GRIA4: variants seen among roughly 807,000 people sequenced by gnomAD.
GRIA4 encodes glutamate receptor 4.
Under a neutral mutation model 104.0 loss-of-function variants are expected in GRIA4, and 34 were observed. The observed-to-expected ratio is 0.33, with a 90% CI of 0.25 to 0.44. The LOEUF (loss-of-function observed/expected upper bound fraction) is 0.44, where lower values mean the gene tolerates loss of function less well. GRIA4 is among the 20% of genes least tolerant of loss of function. The pLI is 1.00. For missense variants in GRIA4, 750 were observed against 1,096.5 expected (o/e 0.68, Z 4.46); for synonymous variants, 386 against 381.9 (o/e 1.01, Z -0.13).
At chr11:105,807,041 GAAAACTA>G (rs1464614965) in intron 4 of GRIA4, among the ~76,000 whole-genome samples, 1 of 151,524 alleles carries the variant, frequency 6.6e-6, no homozygotes, top group Non-Finnish European at 1.5e-5. Flanking sequence ...AGAGAAGACA[GAAAACTA>G]AAAATTTCAT....
intron 3 of GRIA4, among the ~76,000 whole-genome samples, chr11:105,740,495 G>A (rs1458697320): frequency 1.3e-5 from 2 of 152,198 alleles, no homozygotes; most frequent in Non-Finnish European, 2.9e-5. Flanking sequence ...GCCAACTTTA[G>A]GGGCTAGGGA....
chr11:105,833,677 T>C (rs1944067581), intron 4 of GRIA4, among the ~76,000 whole-genome samples: 2 of 151,958 alleles, frequency 1.3e-5, no homozygotes, highest in South Asian at 4.1e-4. Context: ...CTGTAAATAA[T>C]ACTAAGAGGC....
rs1343240385 is a variant in GRIA4, at chr11:105,933,989, A to G, written c.2294+20A>G. 47 of 1,593,492 alleles carry G rather than the reference A, an allele frequency of 2.9e-5. No homozygotes were observed. Among genetic ancestry groups the G allele is most frequent in the Non-Finnish European group, 3.9e-5 (46 of 1,166,422 alleles). On this transcript the variant is annotated intron_variant, in intron 14 of 16. Coordinates refer to ENST00000282499, the MANE Select transcript of GRIA4 (RefSeq NM_000829.4). ...ATTAAGGTGGGTGGAATAGTATAAC[A>G]ATATAACATGTGTTGTTATAGTATT...
intron 4 of GRIA4, among the ~76,000 whole-genome samples, chr11:105,794,469 G>GTGTGTA (rs1427661928): frequency 2.0e-4 from 8 of 40,772 alleles, no homozygotes; most frequent in African/African-American, 4.2e-4. Flanking sequence ...GTGTGTATAT[G>GTGTGTA]TATGTATATA....
intron 3 of GRIA4, among the ~76,000 whole-genome samples, chr11:105,698,099 A>C (rs936206736): frequency 2.6e-5 from 4 of 152,156 alleles, no homozygotes; most frequent in Non-Finnish European, 5.9e-5. Context: ...TTCATTTAGA[A>C]GTTTCTACTT....
chr11:105,756,521 A>T (rs1940320131), intron 4 of GRIA4, among the ~76,000 whole-genome samples: 1 of 152,158 alleles, frequency 6.6e-6, no homozygotes, highest in Admixed American at 6.6e-5. Context: ...TTTACATATA[A>T]ATTTAGAAAA....
At chr11:105,944,014 T>C (rs1034482437) in intron 14 of GRIA4, among the ~76,000 whole-genome samples, 2 of 152,164 alleles carry the variant, frequency 1.3e-5, no homozygotes, top group East Asian at 3.8e-4. Context: ...GGAAACCACA[T>C]ATATTATAGT....
intron 3 of GRIA4, among the ~76,000 whole-genome samples, chr11:105,680,665 C>A (rs899780090): frequency 6.6e-6 from 1 of 152,200 alleles, no homozygotes; most frequent in East Asian, 1.9e-4. Context: ...AAAAATATAT[C>A]TTCAAAATGG....
intron 4 of GRIA4, among the ~76,000 whole-genome samples, chr11:105,783,479 G>C (rs1301651649): frequency 1.3e-5 from 2 of 152,158 alleles, no homozygotes. Flanking sequence ...ATTCCTTTCA[G>C]AGGAAGCATA....
intron 4 of GRIA4, among the ~76,000 whole-genome samples, chr11:105,838,088 C>T (rs942469403): frequency 6.6e-6 from 1 of 151,862 alleles, no homozygotes; most frequent in Admixed American, 6.6e-5. Context: ...TTACAATGCT[C>T]AATAAAAGAA....
At chr11:105,735,708 C>T (rs1302115744) in intron 3 of GRIA4, among the ~76,000 whole-genome samples, 1 of 152,128 alleles carries the variant, frequency 6.6e-6, no homozygotes, top group Non-Finnish European at 1.5e-5. Flanking sequence ...TAGAGGTTTA[C>T]TGTCTTCCTC....
chr11:105,791,450 T>A (rs574443423), intron 4 of GRIA4, among the ~76,000 whole-genome samples: 1 of 152,326 alleles, frequency 6.6e-6, no homozygotes, highest in Non-Finnish European at 1.5e-5. Context: ...TTTTTTAAGT[T>A]GAAAAATATT....
At chr11:105,671,010 T>C (rs1362330926) in intron 3 of GRIA4, among the ~76,000 whole-genome samples, 1 of 152,082 alleles carries the variant, frequency 6.6e-6, no homozygotes, top group East Asian at 1.9e-4. Flanking sequence ...ATGACAACAT[T>C]GCATCTCTCT....
intron 4 of GRIA4, among the ~76,000 whole-genome samples, chr11:105,789,865 A>T (rs1291380218): frequency 1.3e-5 from 2 of 152,160 alleles, no homozygotes; most frequent in African/African-American, 4.8e-5. Flanking sequence ...CACCAAAAAA[A>T]TTGCTAAGTG....
At chr11:105,695,519 C>A (rs796712116) in intron 3 of GRIA4, among the ~76,000 whole-genome samples, 1 of 150,572 alleles carries the variant, frequency 6.6e-6, no homozygotes, top group Non-Finnish European at 1.5e-5. Flanking sequence ...TGTGTGCGTG[C>A]GCGTTTGGTA....
At chr11:105,952,671 C>G (rs2136243294) in intron 14 of GRIA4, among the ~76,000 whole-genome samples, 1 of 152,232 alleles carries the variant, frequency 6.6e-6, no homozygotes, top group Non-Finnish European at 1.5e-5. Context: ...GTTCAGCTCT[C>G]CTTGACTCAA....
At chr11:105,967,685 A>C (rs1162601982) in intron 14 of GRIA4, among the ~76,000 whole-genome samples, 1 of 133,938 alleles carries the variant, frequency 7.5e-6, no homozygotes, top group Non-Finnish European at 1.6e-5. Flanking sequence ...TTTTTCCTCC[A>C]GGAATGTGTT....
intron 3 of GRIA4, among the ~76,000 whole-genome samples, chr11:105,674,782 T>G (rs1176286841): frequency 6.6e-6 from 1 of 151,934 alleles, no homozygotes; most frequent in African/African-American, 2.4e-5. Flanking sequence ...GGAATCTTAC[T>G]TTACTATTAC....
chr11:105,980,146 C>T lies in GRIA4; in HGVS notation c.*407C>T, dbSNP rs1199923868. On this transcript the variant is annotated 3_prime_UTR_variant, in exon 17 of 17. Transcript: ENST00000282499. ...TAAAATAGTTGTAGAAGTCCGTGAA[C>T]ATGCTAACCTGTGTCTCCAGAACAT... is the stretch of plus-strand genomic sequence containing the variant. The T allele has an allele frequency of 6.3e-6, 1 of 158,816 alleles. No individual in the cohort carries two copies. The highest frequency in any genetic ancestry group is 1.4e-5 in the Non-Finnish European group (1 of 71,882). The allele number at this position is 158,816 out of a possible 1,614,324, so 9.8% of individuals were successfully genotyped here.
Sources: gnomAD v4.1 joint callset for allele counts (sites outside exome capture counted in the v4.1 genomes callset) on GRCh38, gnomAD v4.1.1 for gene constraint, MANE v1.5 for transcripts, NCBI Gene and HGNC (gene_info 2026-07-23, HGNC 2026-07-21) for gene names.